Variants in JAKMIP2 observed in about 807,000 individuals in gnomAD.
JAKMIP2 encodes janus kinase and microtubule-interacting protein 2.
In JAKMIP2, 25 loss-of-function variants were observed where a neutral mutation model predicts 115.0. The ratio of observed to expected loss-of-function variants is 0.22; its 90% CI spans 0.16 to 0.30. JAKMIP2 has a LOEUF of 0.30. Among genes scored for constraint, JAKMIP2 ranks in the 10% least tolerant of loss-of-function variants. The probability of loss-of-function intolerance (pLI) is 1.00; values close to 1 mark genes in which losing one functional copy is unlikely to be tolerated. For synonymous variants in JAKMIP2, 334 were observed against 343.6 expected (o/e 0.97, Z 0.31); for missense variants, 642 against 957.6 (o/e 0.67, Z 4.35).
chr5:147,660,515 A>G (rs1466093969), intron 3 of JAKMIP2: 2 of 453,476 alleles, frequency 4.4e-6, no homozygotes, highest in Non-Finnish European at 8.8e-6. Flanking sequence ...AGACATCATG[A>G]AAGTCTTCTC....
intron 1 of JAKMIP2, among the ~76,000 whole-genome samples, chr5:147,756,466 A>G (rs1367020011): frequency 6.6e-6 from 1 of 152,150 alleles, no homozygotes; most frequent in Non-Finnish European, 1.5e-5. Flanking sequence ...ATAAGACATT[A>G]AAACAGGAAA....
intron 1 of JAKMIP2, among the ~76,000 whole-genome samples, chr5:147,676,788 C>A (rs906847486): frequency 1.3e-5 from 2 of 152,130 alleles, no homozygotes; most frequent in Non-Finnish European, 2.9e-5. Flanking sequence ...TAAGAGCACA[C>A]CTTTGTGGAG....
intron 21 of JAKMIP2, among the ~76,000 whole-genome samples, chr5:147,593,861 T>C (rs1458822848): frequency 1.3e-5 from 2 of 152,234 alleles, no homozygotes; most frequent in Non-Finnish European, 2.9e-5. Context: ...TCTGAATGTA[T>C]ATAAAAAATT....
At chr5:147,669,809 C>A (rs1328800627) in intron 2 of JAKMIP2, among the ~76,000 whole-genome samples, 4 of 152,218 alleles carry the variant, frequency 2.6e-5, no homozygotes, top group Non-Finnish European at 5.9e-5. Flanking sequence ...TGTAGTCCAT[C>A]AGAATTGCCA....
intron 1 of JAKMIP2, among the ~76,000 whole-genome samples, chr5:147,714,628 G>C (rs1487404224): frequency 1.3e-5 from 2 of 152,128 alleles, no homozygotes; most frequent in African/African-American, 4.8e-5. Context: ...AAGAATCCCA[G>C]TGAATACCAG....
At chr5:147,770,149 A>G (rs530785782) in intron 1 of JAKMIP2, among the ~76,000 whole-genome samples, 15 of 152,130 alleles carry the variant, frequency 9.9e-5, no homozygotes, top group African/African-American at 3.6e-4. Context: ...ACTTAGACAA[A>G]TCTTACATAT....
intron 1 of JAKMIP2, among the ~76,000 whole-genome samples, chr5:147,686,343 C>T (rs1408922319): frequency 6.6e-6 from 1 of 151,780 alleles, no homozygotes; most frequent in African/African-American, 2.4e-5. Flanking sequence ...GGTGGGGGGG[C>T]ACTGTTTTCC....
intron 15 of JAKMIP2, 105 bp from the exon 16 acceptor site, chr5:147,628,921 T>C (rs562525535): frequency 1.4e-6 from 1 of 706,674 alleles, no homozygotes; most frequent in East Asian, 2.7e-5. Flanking sequence ...TAAGCCTGTA[T>C]AGAAACTTAA....
intron 2 of JAKMIP2, 82 bp from the exon 3 acceptor site, chr5:147,661,527 C>A (rs758381570): frequency 1.9e-4 from 255 of 1,378,180 alleles, no homozygotes; most frequent in Non-Finnish European, 2.2e-4. Flanking sequence ...GCAGCTCAGG[C>A]CGCTGTGATC....
chr5:147,692,935 C>A (rs1287002350), intron 1 of JAKMIP2, among the ~76,000 whole-genome samples: 2 of 152,142 alleles, frequency 1.3e-5, no homozygotes, highest in East Asian at 3.8e-4. Flanking sequence ...CAAATCATTT[C>A]TGTTAGAGAA....
chr5:147,595,471 T>G (rs1176509893), intron 21 of JAKMIP2: 3 of 456,428 alleles, frequency 6.6e-6, no homozygotes, highest in African/African-American at 4.0e-5. Flanking sequence ...ATCTTGGAAG[T>G]AGACACCAGG....
chr5:147,658,911 G>A (rs772152345), intron 3 of JAKMIP2, among the ~76,000 whole-genome samples: 2 of 152,130 alleles, frequency 1.3e-5, no homozygotes, highest in African/African-American at 4.8e-5. Flanking sequence ...GCTGACTCTA[G>A]ACTGCTGTGC....
intron 9 of JAKMIP2, among the ~76,000 whole-genome samples, 190 bp from the exon 10 acceptor site, chr5:147,639,950 C>CTTTCA (rs1253377789): frequency 6.6e-6 from 1 of 152,094 alleles, no homozygotes; most frequent in African/African-American, 2.4e-5. Flanking sequence ...ATGGACACTG[C>CTTTCA]AGAAATACAT....
At chr5:147,634,057 T>A (rs1176262071) in intron 12 of JAKMIP2, among the ~76,000 whole-genome samples, 1 of 152,210 alleles carries the variant, frequency 6.6e-6, no homozygotes, top group Non-Finnish European at 1.5e-5. Flanking sequence ...CTTCCCTTGA[T>A]ATTAGCTGTA....
intron 20 of JAKMIP2, among the ~76,000 whole-genome samples, chr5:147,610,393 G>A (rs1561845560): frequency 6.6e-6 from 1 of 152,192 alleles, no homozygotes; most frequent in Non-Finnish European, 1.5e-5. Flanking sequence ...TTTCATTGAT[G>A]TTGATGCTAT....
intron 21 of JAKMIP2, chr5:147,595,453 A>G (rs1171232405): frequency 2.2e-6 from 1 of 456,910 alleles, no homozygotes; most frequent in East Asian, 7.0e-5. Context: ...ATGCAACAAC[A>G]AGGCGCCATC....
At chr5:147,763,512 G>A (rs940095365) in intron 1 of JAKMIP2, among the ~76,000 whole-genome samples, 6 of 152,048 alleles carry the variant, frequency 3.9e-5, no homozygotes, top group Admixed American at 3.3e-4. Context: ...ACAGGCTTTC[G>A]AATATCCTAG....
chr5:147,629,408 T>A (rs1014757705), intron 15 of JAKMIP2, among the ~76,000 whole-genome samples: 1 of 152,036 alleles, frequency 6.6e-6, no homozygotes, highest in Admixed American at 6.6e-5. Flanking sequence ...TGAGCTAGAG[T>A]CAGACAATAA....
chr5:147,596,017 G>A (rs1026220152), intron 21 of JAKMIP2, among the ~76,000 whole-genome samples: 12 of 152,174 alleles, frequency 7.9e-5, no homozygotes, highest in Admixed American at 7.2e-4. Context: ...AGTAGTAGGT[G>A]TTTACTAGTT....
Sources: allele counts gnomAD v4.1 joint callset (sites outside exome capture counted in the v4.1 genomes callset), GRCh38; gene constraint gnomAD v4.1.1; transcripts MANE v1.5; gene names NCBI Gene and HGNC (gene_info 2026-07-23, HGNC 2026-07-21).